Variants in MARCHF10 observed in about 807,000 individuals in gnomAD.
MARCHF10 encodes the protein membrane associated ring-CH-type finger 10, also known as probable E3 ubiquitin-protein ligase MARCHF10.
In MARCHF10, 64 loss-of-function variants were observed where a neutral mutation model predicts 76.2. That is an observed-to-expected ratio of 0.84 (90% CI 0.69 to 1.03). The LOEUF is 1.03. MARCHF10 is among the 50% of genes least tolerant of loss of function. The probability of loss-of-function intolerance (pLI) is 0.00; values close to 1 mark genes in which losing one functional copy is unlikely to be tolerated. For missense variants in MARCHF10, 875 were observed against 958.0 expected (o/e 0.91, Z 1.14); for synonymous variants, 340 against 357.5 (o/e 0.95, Z 0.55).
At chr17:62,733,909 G>A (rs2091145040) in intron 6 of MARCHF10, among the ~76,000 whole-genome samples, 1 of 152,224 alleles carries the variant, frequency 6.6e-6, no homozygotes, top group Admixed American at 6.5e-5. Flanking sequence ...AACTGGCTGG[G>A]TCGGTGGCTC....
At position 62,712,348 on chromosome 17, in the gene MARCHF10, G is replaced by A. The variant is rs566805319; in HGVS notation, c.2215-1004C>T. 4.6e-5 allele frequency among the ~76,000 whole-genome samples: 7 copies of A among 152,220 alleles called. No homozygotes were observed. Among genetic ancestry groups the A allele is most frequent in the Non-Finnish European group, 1.0e-4 (7 of 68,040 alleles). ...AGGATAACGATGCGTGGGCATGAAT[G>A]ACACAGTGAGCACTCAGTGTCTCAT... On this transcript the variant is annotated intron_variant, in intron 8 of 10. Coordinates refer to ENST00000311269, the MANE Select transcript of MARCHF10 (RefSeq NM_152598.4). This position sits in a 1 kb window ranked among gnomAD's most constrained non-coding sequence, Gnocchi z 4.2.
chr17:62,701,320 A>G lies in MARCHF10; in HGVS notation c.*383T>C. The G allele has an allele frequency of 4.2e-6, 1 of 236,346 alleles. No individual in the cohort carries two copies. The allele number at this position is 236,346 out of a possible 1,614,324, so 14.6% of individuals were successfully genotyped here. On this transcript the variant is annotated 3_prime_UTR_variant, in exon 11 of 11. Transcript: ENST00000311269. ...AAATAAACATGAACGAAGCTGGGAG[A>G]ATAATGTCAGTTTACTGAATGAATA...
At chr17:62,716,002 G>A (rs889649415) in intron 8 of MARCHF10, among the ~76,000 whole-genome samples, 10 of 152,142 alleles carry the variant, frequency 6.6e-5, no homozygotes, top group East Asian at 1.9e-4. Context: ...GGAGGCGTCC[G>A]TCCCAGATGT....
At chr17:62,713,722 G>T (rs1046174710) in intron 8 of MARCHF10, among the ~76,000 whole-genome samples, 8 of 152,210 alleles carry the variant, frequency 5.3e-5, no homozygotes, top group African/African-American at 1.7e-4. Flanking sequence ...AGGGCTTACT[G>T]GAGCTACGGC....
chr17:62,701,686 C>A lies in MARCHF10; in HGVS notation c.*17G>T. On this transcript the variant is annotated 3_prime_UTR_variant, in exon 11 of 11. Transcript: ENST00000311269. ...GGCGGGAGAGGTCTCCGCCGAGCTC[C>A]ACAGTTGGCTTCCTTGCTAGACGAC... The A allele has an allele frequency of 6.2e-7, 1 of 1,614,070 alleles. No homozygotes were observed. The highest frequency in any genetic ancestry group is 2.2e-5 in the East Asian group (1 of 44,880).
chr17:62,743,929 C>T (rs554651178), intron 5 of MARCHF10, among the ~76,000 whole-genome samples: 1 of 152,258 alleles, frequency 6.6e-6, no homozygotes, highest in South Asian at 2.1e-4. Context: ...AGCCTGTCAC[C>T]CACAGACACA....
rs1241222954 is a variant in MARCHF10, at chr17:62,711,004, A to G, written c.2328+227T>C. On this transcript the variant is annotated intron_variant, in intron 9 of 10. Transcript: ENST00000311269. This position sits in a 1 kb window ranked among gnomAD's most constrained non-coding sequence, Gnocchi z 4.4. ...TTATATGACCATTGATGACCATTTAATTACTACTCATGTTTAATAATAAGC... is the reference window on the plus strand; with the variant it reads ...TTATATGACCATTGATGACCATTTAGTTACTACTCATGTTTAATAATAAGC... Among the ~76,000 whole-genome samples, 1 of 152,136 alleles carries G rather than the reference A, an allele frequency of 6.6e-6. No individual in the cohort carries two copies. Among genetic ancestry groups the G allele is most frequent in the East Asian group, 1.9e-4 (1 of 5,188 alleles).
In MARCHF10 at chr17:62,793,357, ACACCTCCATCAACCACCAC is replaced by A. The variant is rs1488089386; in HGVS notation, c.91-4777_91-4759del. ...ACAAACACCATCAACCACCACCATC[ACACCTCCATCAACCACCAC>A]CACCTCCATTACCACCACGACCTCC... On this transcript the variant is annotated intron_variant, in intron 2 of 10. Transcript: ENST00000311269. Among the ~76,000 whole-genome samples, 290 of 114,898 alleles carry A rather than the reference ACACCTCCATCAACCACCAC, an allele frequency of 2.5e-3. 1 individual carries two copies. Among genetic ancestry groups the A allele is most frequent in the African/African-American group, 9.6e-3 (278 of 28,982 alleles). The allele number at this position is 114,898 out of a possible 152,430, so 75.4% of individuals were successfully genotyped here. A position where few individuals can be genotyped will look rare whatever the true frequency, so the allele number is the denominator to read the frequency against.
rs773202847 is a variant in MARCHF10 at position 62,722,527 on chromosome 17, A to C, written c.2175T>G (p.Phe725Leu). 24 of 1,613,864 alleles carry C rather than the reference A, an allele frequency of 1.5e-5. No individual in the cohort carries two copies. The highest frequency in any genetic ancestry group is 1.9e-5 in the Non-Finnish European group (23 of 1,179,914). The change falls in exon 8 of 11, where the codon TTT (phenylalanine) becomes TTG (leucine). Residue 725 changes from phenylalanine (F) to leucine (L), a missense_variant. Transcript: ENST00000311269. ...GCTTCTGGTAGAACTCAATCATGTTAAAGTCACCCAGGTCAACCAGCAGGC... is the reference window on the plus strand; with the variant it reads ...GCTTCTGGTAGAACTCAATCATGTTCAAGTCACCCAGGTCAACCAGCAGGC... ...KQGLLVDLGDFNMIEFYQKHQ... is the reference protein window; with the variant it reads ...KQGLLVDLGDLNMIEFYQKHQ...
chr17:62,795,031 G>C, intron 2 of MARCHF10: 1 of 985,198 alleles, frequency 1.0e-6, no homozygotes, highest in Non-Finnish European at 1.2e-6. Context: ...TCAAAGGTGA[G>C]CCAGGAGGAG....
intron 2 of MARCHF10, among the ~76,000 whole-genome samples, chr17:62,792,665 C>A (rs1195989205): frequency 1.4e-5 from 2 of 146,304 alleles, no homozygotes; most frequent in Non-Finnish European, 3.0e-5. Context: ...AACCATCAAC[C>A]ACCACCACCA....
intron 6 of MARCHF10, among the ~76,000 whole-genome samples, chr17:62,725,762 T>G (rs1276699668): frequency 6.6e-6 from 1 of 152,228 alleles, no homozygotes; most frequent in Non-Finnish European, 1.5e-5. Flanking sequence ...TGCATGGGAT[T>G]CGTGGTCAGG....
chr17:62,740,493 T>C lies in MARCHF10; in HGVS notation c.536-3161A>G, dbSNP rs558046319. 2.9e-4 allele frequency among the ~76,000 whole-genome samples: 44 copies of C among 152,178 alleles called. 1 individual carries two copies. The South Asian group carries it at 3.7e-3, about 13-fold the overall frequency. On this transcript the variant is annotated intron_variant, in intron 5 of 10. Transcript: ENST00000311269. ...GTGGTTTATCATCATTGGAGAAAAT[T>C]TGGAAACTATAGAAGAAGATGAAGA...
At chr17:62,807,135 C>T (rs997204388) in intron 1 of MARCHF10, among the ~76,000 whole-genome samples, 3 of 152,092 alleles carry the variant, frequency 2.0e-5, no homozygotes, top group African/African-American at 7.2e-5. Flanking sequence ...ACCTTTTCCC[C>T]AATTGATTAA....
chr17:62,703,144 T>C (rs2089350222), intron 10 of MARCHF10, among the ~76,000 whole-genome samples: 1 of 152,178 alleles, frequency 6.6e-6, no homozygotes, highest in Non-Finnish European at 1.5e-5. Flanking sequence ...GAGGCTTTGG[T>C]TCTCACGTGC....
chr17:62,708,243 C>CTTTT (rs60147578), intron 9 of MARCHF10, among the ~76,000 whole-genome samples: 15 of 144,568 alleles, frequency 1.0e-4, no homozygotes, highest in African/African-American at 7.7e-5. Flanking sequence ...AAAGTAGGTT[C>CTTTT]TTTTTTTTTT....
chr17:62,719,766 C>G (rs1329185751), intron 8 of MARCHF10, among the ~76,000 whole-genome samples: 1 of 152,100 alleles, frequency 6.6e-6, no homozygotes, highest in Non-Finnish European at 1.5e-5. Flanking sequence ...TCCTTTCTCT[C>G]TTTATTCTCC....
chr17:62,783,562 C>T (rs2092699003), intron 3 of MARCHF10, among the ~76,000 whole-genome samples: 1 of 151,988 alleles, frequency 6.6e-6, no homozygotes, highest in Non-Finnish European at 1.5e-5. Context: ...ACAAAAAACC[C>T]TTCAAAAAAT....
intron 8 of MARCHF10, among the ~76,000 whole-genome samples, chr17:62,718,461 G>C (rs537074597): frequency 6.6e-6 from 1 of 152,330 alleles, no homozygotes; most frequent in South Asian, 2.1e-4. Flanking sequence ...GGCCAAAAGG[G>C]ATCTTTTCTA....
Sources: gnomAD v4.1 joint callset for allele counts (sites outside exome capture counted in the v4.1 genomes callset) on GRCh38, gnomAD v4.1.1 for gene constraint, Gnocchi (gnomAD v3.1) non-coding constraint, MANE v1.5 for transcripts, NCBI Gene and HGNC (gene_info 2026-07-23, HGNC 2026-07-21) for gene names.